IARS1: variants seen among roughly 807,000 people sequenced by gnomAD.
IARS1 encodes the protein isoleucyl-tRNA synthetase 1, also known as isoleucine--tRNA ligase, cytoplasmic.
A neutral mutation model predicts 168.2 loss-of-function variants in IARS1; 124 were observed. That is an observed-to-expected ratio of 0.74 (90% CI 0.64 to 0.86). IARS1 has a LOEUF of 0.86. IARS1 is among the 40% of genes least tolerant of loss of function. The pLI, the probability that IARS1 is intolerant of heterozygous loss-of-function variation, is 0.00. For synonymous variants in IARS1, 532 were observed against 529.4 expected (o/e 1.00, Z -0.07); for missense variants, 1,452 against 1,515.8 (o/e 0.96, Z 0.70).
At chr9:92,252,794 A>AG (rs1830200708) in intron 21 of IARS1, among the ~76,000 whole-genome samples, 1 of 148,634 alleles carries the variant, frequency 6.7e-6, no homozygotes, top group African/African-American at 2.5e-5. Flanking sequence ...AAAAAAAAAA[A>AG]AAAGACATGA....
At chr9:92,278,469 G>C (rs1424539160) in intron 7 of IARS1, among the ~76,000 whole-genome samples, 183 bp from the exon 8 acceptor site, 1 of 152,152 alleles carries the variant, frequency 6.6e-6, no homozygotes, top group Non-Finnish European at 1.5e-5. Context: ...ACATGAAAAT[G>C]ACAAAAACAT....
intron 9 of IARS1, among the ~76,000 whole-genome samples, chr9:92,277,068 CAAAA>C (rs1192361724): frequency 3.3e-5 from 5 of 151,884 alleles, no homozygotes; most frequent in African/African-American, 9.7e-5. Flanking sequence ...AACAAACAAA[CAAAA>C]ACCTCAATAA....
chr9:92,291,738 T>G (rs1836372315), intron 1 of IARS1, among the ~76,000 whole-genome samples: 1 of 152,210 alleles, frequency 6.6e-6, no homozygotes, highest in African/African-American at 2.4e-5. Context: ...ATCTGAAGAC[T>G]AACAGACCTT....
chr9:92,246,637 C>T (rs1829242137), intron 26 of IARS1, among the ~76,000 whole-genome samples: 1 of 152,146 alleles, frequency 6.6e-6, no homozygotes, highest in African/African-American at 2.4e-5. Context: ...ACAAAATCAC[C>T]CTAGGCTCCA....
At chr9:92,282,721 G>A (rs1035304518) in intron 6 of IARS1, among the ~76,000 whole-genome samples, 3 of 151,904 alleles carry the variant, frequency 2.0e-5, no homozygotes, top group Non-Finnish European at 4.4e-5. Flanking sequence ...AGTGAGCTGT[G>A]TTTGCACCAT....
chr9:92,232,475 G>GGATGT (rs1321730785), intron 30 of IARS1, among the ~76,000 whole-genome samples: 1 of 152,132 alleles, frequency 6.6e-6, no homozygotes, highest in African/African-American at 2.4e-5. Flanking sequence ...GAAGTATGAA[G>GGATGT]GATGTGTGTT....
At chr9:92,212,382 A>T (rs982449694) in intron 33 of IARS1, among the ~76,000 whole-genome samples, 1 of 152,266 alleles carries the variant, frequency 6.6e-6, no homozygotes, top group African/African-American at 2.4e-5. Flanking sequence ...ATCACTAAAC[A>T]TTTAAAAGTT....
intron 6 of IARS1, among the ~76,000 whole-genome samples, chr9:92,282,623 T>C (rs1051062153): frequency 9.9e-5 from 15 of 151,972 alleles, no homozygotes; most frequent in Non-Finnish European, 2.2e-4. Flanking sequence ...TAAAAAAATT[T>C]TCTGGGCATG....
intron 30 of IARS1, among the ~76,000 whole-genome samples, chr9:92,234,733 T>C (rs138075897): frequency 5.3e-5 from 8 of 152,312 alleles, no homozygotes; most frequent in African/African-American, 1.9e-4. Context: ...AACCATGTAC[T>C]GTCTGAGACA....
intron 17 of IARS1, among the ~76,000 whole-genome samples, chr9:92,261,411 C>T (rs879566282): frequency 6.6e-6 from 1 of 152,022 alleles, no homozygotes; most frequent in Admixed American, 6.6e-5. Context: ...GAGAAAAAAC[C>T]AGTGGTTGCC....
chr9:92,245,029 A>G lies in IARS1; in HGVS notation c.2834T>C (p.Ile945Thr), dbSNP rs1433757131. Residue 945 changes from isoleucine (I) to threonine (T), a missense_variant, in exon 27 of 34, where the codon ATC becomes ACC. Physicochemically the swap from Ile to Thr is moderately conservative, Grantham distance 89. Coordinates refer to ENST00000443024, the MANE Select transcript of IARS1 (RefSeq NM_002161.6). ...CTGATCAAAGGTGTACATGAGGCGG[A>G]TGTCTTCATCGTGCAATTCATGGCC... ...VEGHELHDED[I>T]RLMYTFDQAT... 13 of 1,614,084 alleles carry G rather than the reference A, an allele frequency of 8.1e-6. No homozygotes were observed. Among genetic ancestry groups the G allele is most frequent in the Non-Finnish European group, 1.0e-5 (12 of 1,180,040 alleles).
intron 1 of IARS1, among the ~76,000 whole-genome samples, chr9:92,291,456 A>C (rs1290307964): frequency 1.3e-5 from 2 of 152,194 alleles, no homozygotes; most frequent in Admixed American, 1.3e-4. Flanking sequence ...TTTTACCCTC[A>C]TTAATTTTTC....
At chr9:92,232,305 A>T (rs1219299695) in intron 30 of IARS1, among the ~76,000 whole-genome samples, 1 of 152,066 alleles carries the variant, frequency 6.6e-6, no homozygotes, top group East Asian at 1.9e-4. Flanking sequence ...TGAAGCATTA[A>T]TAGTGGAACA....
intron 10 of IARS1, 25 bp downstream of exon 10, chr9:92,274,401 C>T (rs1462688113): frequency 6.4e-7 from 1 of 1,571,840 alleles, no homozygotes; most frequent in African/African-American, 1.3e-5. Flanking sequence ...TACTCAAATA[C>T]ATTTGCCAGA....
intron 14 of IARS1, among the ~76,000 whole-genome samples, chr9:92,266,957 T>C (rs1261644926): frequency 6.6e-6 from 1 of 152,352 alleles, no homozygotes; most frequent in East Asian, 1.9e-4. Context: ...CAGGAAGTAT[T>C]TGAGTTTCTA....
chr9:92,266,291 C>T (rs2133836020), intron 14 of IARS1, among the ~76,000 whole-genome samples: 1 of 152,280 alleles, frequency 6.6e-6, no homozygotes, highest in South Asian at 2.1e-4. Flanking sequence ...AGAATCTTCC[C>T]AAGAAAAAGC....
In IARS1 at chr9:92,250,231, C is replaced by A; in HGVS notation, c.2488G>T (p.Glu830Ter). 6.2e-7 allele frequency: 1 copy of A among 1,613,214 alleles called. No homozygotes were observed. The highest frequency in any genetic ancestry group is 8.5e-7 in the Non-Finnish European group (1 of 1,179,212). The change falls in exon 24 of 34, where the codon GAA becomes TAA. Residue 830 changes from glutamate (E) to a stop codon, truncating the protein, a stop_gained. Transcript: ENST00000443024. LOFTEE classifies it high-confidence loss of function. ...CGGTCTCTGATCACTCTTCCAAGTTCAATCACAGACTGCATCTGAGATACT... is the reference window on the plus strand; with the variant it reads ...CGGTCTCTGATCACTCTTCCAAGTTAAATCACAGACTGCATCTGAGATACT... ...SAVSQMQSVI[E>*]LGRVIRDRKT...
chr9:92,228,925 C>A, intron 31 of IARS1, 76 bp downstream of exon 31: 2 of 1,568,618 alleles, frequency 1.3e-6, no homozygotes, highest in Non-Finnish European at 1.7e-6. Context: ...TTGTATAGTA[C>A]AACTGACAGC....
At chr9:92,286,737 G>A in intron 4 of IARS1, 119 bp from the exon 5 acceptor site, 1 of 577,856 alleles carries the variant, frequency 1.7e-6, no homozygotes, top group African/African-American at 1.9e-5. Context: ...ATAATCAATG[G>A]TACAAGTAAA....
Sources: allele counts gnomAD v4.1 joint callset (sites outside exome capture counted in the v4.1 genomes callset), GRCh38; gene constraint gnomAD v4.1.1; transcripts MANE v1.5; gene names NCBI Gene and HGNC (gene_info 2026-07-23, HGNC 2026-07-21).